Variants in NKAIN2 observed in about 807,000 individuals in gnomAD.
NKAIN2 encodes sodium/potassium transporting ATPase interacting 2, also known as sodium/potassium-transporting ATPase subunit beta-1-interacting protein 2.
NKAIN2 carries 14 observed loss-of-function variants against 32.6 expected under a neutral mutation model. The observed-to-expected ratio is 0.43, with a 90% CI of 0.28 to 0.67. NKAIN2 has a LOEUF of 0.67. NKAIN2 is among the 30% of genes least tolerant of loss of function. The pLI is 0.17. For missense variants in NKAIN2, 198 were observed against 258.3 expected, an observed-to-expected ratio of 0.77 and a Z score of 1.60; for synonymous variants, 80 against 87.2, an observed-to-expected ratio of 0.92 and a Z score of 0.46.
intron 3 of NKAIN2, among the ~76,000 whole-genome samples, chr6:124,637,258 T>C (rs1783806801): frequency 6.6e-6 from 1 of 152,006 alleles, no homozygotes; most frequent in African/African-American, 2.4e-5. Flanking sequence ...ATGAAGGCAA[T>C]ATAAGACAAA....
intron 1 of NKAIN2, among the ~76,000 whole-genome samples, chr6:123,813,523 T>C (rs1042323382): frequency 2.0e-5 from 3 of 152,088 alleles, no homozygotes; most frequent in Non-Finnish European, 4.4e-5. Flanking sequence ...GAAACTATTG[T>C]AGATTTGGCC....
chr6:123,939,303 G>C (rs1349659582), intron 1 of NKAIN2, among the ~76,000 whole-genome samples: 1 of 151,860 alleles, frequency 6.6e-6, no homozygotes, highest in Admixed American at 6.6e-5. Context: ...CATACCAAGT[G>C]TTAGTCTGCG....
At chr6:123,830,157 C>G (rs547733348) in intron 1 of NKAIN2, among the ~76,000 whole-genome samples, 1 of 152,098 alleles carries the variant, frequency 6.6e-6, no homozygotes, top group Non-Finnish European at 1.5e-5. Flanking sequence ...CTGGGTTCAT[C>G]TCTTCTTAGT....
At chr6:124,408,629 G>A (rs1773989934) in intron 3 of NKAIN2, among the ~76,000 whole-genome samples, 1 of 152,190 alleles carries the variant, frequency 6.6e-6, no homozygotes, top group African/African-American at 2.4e-5. Flanking sequence ...GTCAGGTAGT[G>A]TGATGCCTCC....
intron 2 of NKAIN2, among the ~76,000 whole-genome samples, chr6:124,324,702 T>C (rs151326735): frequency 0.016 from 2,397 of 149,984 alleles, 35 homozygotes; most frequent in Non-Finnish European, 0.023. Flanking sequence ...TTAGTTGGTA[T>C]GTTTTGGAAG....
chr6:124,102,453 A>G (rs1784932523), intron 1 of NKAIN2, among the ~76,000 whole-genome samples: 1 of 152,212 alleles, frequency 6.6e-6, no homozygotes. Context: ...TATGTGAGGT[A>G]CAAAGGAAGA....
chr6:123,944,961 A>G (rs1776998062), intron 1 of NKAIN2, among the ~76,000 whole-genome samples: 2 of 152,058 alleles, frequency 1.3e-5, no homozygotes, highest in African/African-American at 2.4e-5. Flanking sequence ...CCCAACACAC[A>G]TGCACACACA....
rs1267587380 is a variant in NKAIN2, at chr6:124,825,057, A to C, written c.*1828A>C. The C allele has an allele frequency of 6.6e-6, 1 of 152,662 alleles. No homozygotes were observed. Among genetic ancestry groups the C allele is most frequent in the Non-Finnish European group, 1.5e-5 (1 of 68,046 alleles). 9.5% of individuals were successfully genotyped at this position (152,662 alleles called of 1,614,324 possible). A position where few individuals can be genotyped will look rare whatever the true frequency, so the allele number is the denominator to read the frequency against. On this transcript the variant is annotated 3_prime_UTR_variant, in exon 7 of 7. Coordinates refer to ENST00000368417, the MANE Select transcript of NKAIN2 (RefSeq NM_001040214.3). Reference sequence around the variant, plus strand: ...CAGTGAAACCTCATATGACGCTTTTATAGTGACATGCATGTTTAATGTATG... The same window carrying C: ...CAGTGAAACCTCATATGACGCTTTTCTAGTGACATGCATGTTTAATGTATG...
intron 2 of NKAIN2, among the ~76,000 whole-genome samples, chr6:124,333,157 A>G (rs1487210689): frequency 1.3e-5 from 2 of 152,200 alleles, no homozygotes; most frequent in Non-Finnish European, 2.9e-5. Flanking sequence ...TCAATATAGA[A>G]TATATGTATA....
intron 3 of NKAIN2, among the ~76,000 whole-genome samples, chr6:124,618,531 G>C (rs1301302599): frequency 6.6e-6 from 1 of 152,028 alleles, no homozygotes; most frequent in Non-Finnish European, 1.5e-5. Context: ...TTCTACAAAT[G>C]ACTTTCTTAC....
At chr6:124,145,812 C>T (rs946193368) in intron 1 of NKAIN2, among the ~76,000 whole-genome samples, 1 of 151,946 alleles carries the variant, frequency 6.6e-6, no homozygotes, top group African/African-American at 2.4e-5. Context: ...GCCTGACAAA[C>T]TTTTAGTCAT....
At chr6:124,671,381 A>G (rs1773092981) in intron 4 of NKAIN2, among the ~76,000 whole-genome samples, 1 of 152,108 alleles carries the variant, frequency 6.6e-6, no homozygotes, top group Non-Finnish European at 1.5e-5. Context: ...CTCATAGCAA[A>G]CTATACTTAA....
chr6:124,704,399 G>A (rs1188565326), intron 4 of NKAIN2, among the ~76,000 whole-genome samples: 1 of 151,876 alleles, frequency 6.6e-6, no homozygotes, highest in Non-Finnish European at 1.5e-5. Flanking sequence ...TGAAATTTAA[G>A]TACAGGGTTA....
intron 1 of NKAIN2, among the ~76,000 whole-genome samples, chr6:123,893,406 T>C (rs1774111640): frequency 6.6e-6 from 1 of 152,188 alleles, no homozygotes; most frequent in South Asian, 2.1e-4. Context: ...GGGGTCTTGC[T>C]ACCTTGCCCA....
At chr6:124,745,998 G>A (rs1258320127) in intron 4 of NKAIN2, among the ~76,000 whole-genome samples, 1 of 151,870 alleles carries the variant, frequency 6.6e-6, no homozygotes, top group Non-Finnish European at 1.5e-5. Context: ...AAAATGAAAT[G>A]TAAACAGTAT....
At chr6:123,872,841 G>A (rs1450243960) in intron 1 of NKAIN2, among the ~76,000 whole-genome samples, 1 of 152,114 alleles carries the variant, frequency 6.6e-6, no homozygotes, top group Non-Finnish European at 1.5e-5. Context: ...AAGTGTGATT[G>A]ATTATGGAAC....
chr6:124,058,640 C>T (rs969568267), intron 1 of NKAIN2, among the ~76,000 whole-genome samples: 8 of 152,110 alleles, frequency 5.3e-5, no homozygotes, highest in African/African-American at 1.9e-4. Context: ...GGTCAGAAAA[C>T]AACAACTGGA....
intron 1 of NKAIN2, among the ~76,000 whole-genome samples, chr6:124,170,337 G>A (rs972452102): frequency 1.3e-5 from 2 of 152,088 alleles, no homozygotes; most frequent in South Asian, 2.1e-4. Flanking sequence ...CATATTGTAC[G>A]TATTCCAGAG....
At chr6:124,562,975 G>A (rs984119412) in intron 3 of NKAIN2, among the ~76,000 whole-genome samples, 1 of 149,714 alleles carries the variant, frequency 6.7e-6, no homozygotes, top group Non-Finnish European at 1.5e-5. Context: ...CGCGATCTCA[G>A]CTCACTGCAA....
Sources: allele counts gnomAD v4.1 joint callset (sites outside exome capture counted in the v4.1 genomes callset), GRCh38; gene constraint gnomAD v4.1.1; transcripts MANE v1.5; gene names NCBI Gene and HGNC (gene_info 2026-07-23, HGNC 2026-07-21).